Variants in TMEM117 observed in about 807,000 individuals in gnomAD.
TMEM117 encodes transmembrane protein 117.
Under a neutral mutation model 52.4 loss-of-function variants are expected in TMEM117, and 27 were observed. That is an observed-to-expected ratio of 0.51 (90% CI 0.38 to 0.71). The LOEUF (loss-of-function observed/expected upper bound fraction) is 0.71. Ranked by LOEUF, TMEM117 falls within the 30% of genes least tolerant of loss-of-function variation. The pLI, the probability that TMEM117 is intolerant of heterozygous loss-of-function variation, is 0.00. For missense variants in TMEM117, 556 were observed against 630.5 expected (o/e 0.88, Z 1.26); for synonymous variants, 215 against 206.3 (o/e 1.04, Z -0.36).
the TMEM117 span, chr12:43,797,605 T>C: frequency 2.7e-6 from 4 of 1,460,656 alleles, no homozygotes; most frequent in Non-Finnish European, 3.7e-6. Flanking sequence ...ATTTTAGAAA[T>C]CAGAAAGCTA....
intron 5 of TMEM117, among the ~76,000 whole-genome samples, chr12:44,217,951 C>T (rs553420520): frequency 2.8e-4 from 43 of 152,002 alleles, no homozygotes; most frequent in Admixed American, 9.8e-4. Context: ...GGCTGGGGTG[C>T]GGTGGCTCAT....
At chr12:44,135,902 G>A (rs1028533780) in intron 3 of TMEM117, among the ~76,000 whole-genome samples, 2 of 152,066 alleles carry the variant, frequency 1.3e-5, no homozygotes, top group Admixed American at 1.3e-4. Flanking sequence ...ATTGAACTTG[G>A]TTTTTGTTCT....
intron 3 of TMEM117, among the ~76,000 whole-genome samples, chr12:44,096,286 G>A (rs1947759949): frequency 6.6e-6 from 1 of 152,096 alleles, no homozygotes; most frequent in African/African-American, 2.4e-5. Context: ...TGGCCATACT[G>A]CCCAAGGTAA....
chr12:43,987,745 A>G (rs940318083), intron 3 of TMEM117, among the ~76,000 whole-genome samples: 3 of 152,172 alleles, frequency 2.0e-5, no homozygotes, highest in African/African-American at 7.2e-5. Flanking sequence ...ATTTATCCCT[A>G]TAAAATAAAA....
At chr12:44,348,486 G>A (rs1951520704) in intron 6 of TMEM117, among the ~76,000 whole-genome samples, 1 of 151,848 alleles carries the variant, frequency 6.6e-6, no homozygotes, top group South Asian at 2.1e-4. Flanking sequence ...CACAAATGAA[G>A]CAATATGCCC....
At chr12:43,901,165 C>T (rs1255075839) in intron 2 of TMEM117, among the ~76,000 whole-genome samples, 1 of 152,118 alleles carries the variant, frequency 6.6e-6, no homozygotes, top group Non-Finnish European at 1.5e-5. Context: ...TTTAAGAAAG[C>T]TCTGGAAACA....
chr12:44,340,861 A>G (rs908970642), intron 6 of TMEM117, among the ~76,000 whole-genome samples: 2 of 152,038 alleles, frequency 1.3e-5, no homozygotes, highest in East Asian at 1.9e-4. Flanking sequence ...GCATAGTGCA[A>G]TGGCCAAGTC....
chr12:44,101,343 G>A (rs1947857767), intron 3 of TMEM117, among the ~76,000 whole-genome samples: 1 of 151,912 alleles, frequency 6.6e-6, no homozygotes, highest in Admixed American at 6.6e-5. Context: ...TTTGCCTTAA[G>A]TATCACTCTC....
At chr12:44,119,185 G>T in intron 3 of TMEM117, among the ~76,000 whole-genome samples, 1 of 152,152 alleles carries the variant, frequency 6.6e-6, no homozygotes, top group East Asian at 1.9e-4. Flanking sequence ...AATAAATTCT[G>T]GTTGTGTTAA....
chr12:44,033,356 C>T (rs1946662377), intron 3 of TMEM117, among the ~76,000 whole-genome samples: 1 of 152,206 alleles, frequency 6.6e-6, no homozygotes, highest in Non-Finnish European at 1.5e-5. Context: ...CCTTTACTCT[C>T]TTAATAAACT....
intron 2 of TMEM117, among the ~76,000 whole-genome samples, chr12:43,940,257 C>T (rs1371240828): frequency 6.6e-6 from 1 of 152,154 alleles, no homozygotes; most frequent in African/African-American, 2.4e-5. Flanking sequence ...GTAGGGCTCC[C>T]CACATCTCCT....
chr12:44,117,685 A>G (rs1311924328), intron 3 of TMEM117, among the ~76,000 whole-genome samples: 1 of 151,934 alleles, frequency 6.6e-6, no homozygotes, highest in Non-Finnish European at 1.5e-5. Flanking sequence ...ACAACCTACC[A>G]CTTACTTTAG....
chr12:43,820,434 C>T, the TMEM117 span, among the ~76,000 whole-genome samples: 1 of 152,008 alleles, frequency 6.6e-6, no homozygotes, highest in Non-Finnish European at 1.5e-5. Context: ...CCACCACGCC[C>T]GGCTAATTTT....
At chr12:44,317,490 G>T (rs1017933663) in intron 6 of TMEM117, among the ~76,000 whole-genome samples, 5 of 151,898 alleles carry the variant, frequency 3.3e-5, no homozygotes, top group Non-Finnish European at 5.9e-5. Context: ...TGCCTCCAGG[G>T]TTCAAGCAAT....
rs377446750 is a variant in TMEM117 at position 44,122,258 on chromosome 12, A to G, written c.411-21267A>G. Among the ~76,000 whole-genome samples, 5 of 152,004 alleles carry G rather than the reference A, an allele frequency of 3.3e-5. No homozygotes were observed. In the South Asian group the frequency reaches 1.0e-3, roughly 32 times the overall value. On this transcript the variant is annotated intron_variant, in intron 3 of 7. Transcript: ENST00000266534. ...ACGGGGTTTCACTGTGTTAGCCAGG[A>G]TGGTCTCAATCTCCTGACCTCGTGA...
chr12:44,325,976 A>G (rs1951190004), intron 6 of TMEM117, among the ~76,000 whole-genome samples: 1 of 152,198 alleles, frequency 6.6e-6, no homozygotes, highest in East Asian at 1.9e-4. Flanking sequence ...AGCCTGGCCA[A>G]CATGGTGAAA....
intron 5 of TMEM117, among the ~76,000 whole-genome samples, chr12:44,224,503 G>GTCTTCTTCT (rs925878568): frequency 6.7e-6 from 1 of 149,598 alleles, no homozygotes; most frequent in African/African-American, 2.5e-5. Flanking sequence ...TGCTTTCTTT[G>GTCTTCTTCT]TCTTCTTCTT....
chr12:44,176,801 T>C (rs917267337), intron 4 of TMEM117, among the ~76,000 whole-genome samples: 2 of 152,262 alleles, frequency 1.3e-5, no homozygotes, highest in East Asian at 3.9e-4. Flanking sequence ...TTTCTAGTAC[T>C]ATGGAATTGC....
At chr12:44,160,153 G>A (rs1664632518) in intron 4 of TMEM117, among the ~76,000 whole-genome samples, 1 of 150,898 alleles carries the variant, frequency 6.6e-6, no homozygotes. Context: ...CCAATCCACA[G>A]AGAAAGGCTC....
Sources: allele counts gnomAD v4.1 joint callset (sites outside exome capture counted in the v4.1 genomes callset), GRCh38; gene constraint gnomAD v4.1.1; transcripts MANE v1.5; gene names NCBI Gene and HGNC (gene_info 2026-07-23, HGNC 2026-07-21).